GCNT4: variants seen among roughly 807,000 people sequenced by gnomAD.
The protein encoded by GCNT4 is beta-1,3-galactosyl-O-glycosyl-glycoprotein beta-1,6-N-acetylglucosaminyltransferase 4.
GCNT4 carries 17 observed loss-of-function variants against 31.3 expected under a neutral mutation model. The ratio of observed to expected loss-of-function variants is 0.54; its 90% CI spans 0.37 to 0.81. The LOEUF (loss-of-function observed/expected upper bound fraction) is 0.81. Ranked by LOEUF, GCNT4 falls within the 40% of genes least tolerant of loss-of-function variation. The pLI, the probability that GCNT4 is intolerant of heterozygous loss-of-function variation, is 0.00. For synonymous variants in GCNT4, 158 were observed against 190.6 expected (o/e 0.83, Z 1.41); for missense variants, 503 against 525.5 (o/e 0.96, Z 0.42).
chr5:75,040,421 G>C (rs1416535259), intron 3 of GCNT4, among the ~76,000 whole-genome samples: 1 of 152,140 alleles, frequency 6.6e-6, no homozygotes, highest in East Asian at 1.9e-4. Flanking sequence ...TTTACCCCCA[G>C]TATTAAAGAC....
intron 3 of GCNT4, among the ~76,000 whole-genome samples, chr5:75,040,823 T>C (rs1743300036): frequency 1.3e-5 from 2 of 152,252 alleles, no homozygotes; most frequent in South Asian, 4.1e-4. Context: ...TTTTCACTAC[T>C]TGACAGCATT....
chr5:75,025,128 G>A (rs991454183), downstream of GCNT4, among the ~76,000 whole-genome samples: 4 of 152,098 alleles, frequency 2.6e-5, no homozygotes, highest in African/African-American at 9.7e-5. Flanking sequence ...TGAAGTAGGA[G>A]GAAGACAGGT....
chr5:75,050,610 C>T (rs1253547086), intron 2 of GCNT4, among the ~76,000 whole-genome samples: 1 of 152,148 alleles, frequency 6.6e-6, no homozygotes, highest in Non-Finnish European at 1.5e-5. Context: ...TTAGGAGCCT[C>T]GAAAGCTGCC....
chr5:75,051,172 T>G (rs943422265), intron 2 of GCNT4, among the ~76,000 whole-genome samples: 3 of 151,870 alleles, frequency 2.0e-5, no homozygotes, highest in Non-Finnish European at 4.4e-5. Context: ...ACCTCTCCCC[T>G]CCCCCATGGC....
Position 75,029,034 on chromosome 5 carries a change from T to C in GCNT4, c.1004A>G (p.Asp335Gly), listed in dbSNP as rs2149950945. ...AATCAAGGTAGCCCAAAAGTGCTCA[T>C]CAGGAGAGTATGTGTCTTTAGACCA... ...FAWSKDTYSPDEHFWATLIRV... is the reference protein window; with the variant it reads ...FAWSKDTYSPGEHFWATLIRV... Residue 335 changes from aspartate (D) to glycine (G), a missense_variant, in exon 4 of 4, where the codon GAT (aspartate) becomes GGT (glycine). Asp to Gly is a moderately conservative substitution (Grantham distance 94, BLOSUM62 -1). Coordinates refer to ENST00000652361, the MANE Select transcript of GCNT4 (RefSeq NM_001366737.1). 6.2e-7 allele frequency: 1 copy of C among 1,614,156 alleles called. No individual in the cohort carries two copies. The highest frequency in any genetic ancestry group is 8.5e-7 in the Non-Finnish European group (1 of 1,180,014).
chr5:75,053,028 C>T (rs1743619808), upstream of GCNT4, among the ~76,000 whole-genome samples: 1 of 151,978 alleles, frequency 6.6e-6, no homozygotes, highest in African/African-American at 2.4e-5. Flanking sequence ...CGACTCCAGC[C>T]TGGCGGCTCC....
At chr5:75,045,942 T>TA (rs1292084273) in intron 3 of GCNT4, among the ~76,000 whole-genome samples, 2 of 152,176 alleles carry the variant, frequency 1.3e-5, no homozygotes, top group South Asian at 4.1e-4. Context: ...GTTTTTTTTT[T>TA]ACATTCAGGG....
At chr5:75,035,158 G>A (rs1302444762) in intron 3 of GCNT4, among the ~76,000 whole-genome samples, 1 of 152,150 alleles carries the variant, frequency 6.6e-6, no homozygotes, top group African/African-American at 2.4e-5. Flanking sequence ...TCAGCTAAGT[G>A]GACACGACCG....
upstream of GCNT4, among the ~76,000 whole-genome samples, chr5:75,053,529 C>A (rs1439016376): frequency 6.6e-6 from 1 of 152,118 alleles, no homozygotes; most frequent in South Asian, 2.1e-4. Flanking sequence ...GGGAGCGGGC[C>A]AGCCCCGAAC....
intron 3 of GCNT4, among the ~76,000 whole-genome samples, chr5:75,036,729 A>G (rs1249872553): frequency 6.6e-6 from 1 of 152,196 alleles, no homozygotes; most frequent in Non-Finnish European, 1.5e-5. Flanking sequence ...AGACTGATCA[A>G]TGAGCTAATG....
chr5:75,028,347 G>C lies in GCNT4; in HGVS notation c.*329C>G, dbSNP rs1300394025. 1 of 236,382 alleles carries C rather than the reference G, an allele frequency of 4.2e-6. No individual in the cohort carries two copies. Among genetic ancestry groups the C allele is most frequent in the Non-Finnish European group, 8.1e-6 (1 of 122,836 alleles). 14.6% of individuals were successfully genotyped at this position (236,382 alleles called of 1,614,324 possible). ...GTTATGTGGAGAACTTAAAGATACCGAGGTTGCTATGATGAGGATAAGCCG... is the reference window on the plus strand; with the variant it reads ...GTTATGTGGAGAACTTAAAGATACCCAGGTTGCTATGATGAGGATAAGCCG... On this transcript the variant is annotated 3_prime_UTR_variant, in exon 4 of 4. Transcript: ENST00000652361.
chr5:75,046,255 G>T (rs1010497779), intron 3 of GCNT4, among the ~76,000 whole-genome samples: 13 of 152,198 alleles, frequency 8.5e-5, no homozygotes, highest in African/African-American at 3.1e-4. Flanking sequence ...AAAGGAAGAA[G>T]GAACCTGGTA....
chr5:75,029,817 G>C lies in GCNT4; in HGVS notation c.221C>G (p.Ser74Trp). 1 of 1,613,944 alleles carries C rather than the reference G, an allele frequency of 6.2e-7. No individual in the cohort carries two copies. Among genetic ancestry groups the C allele is most frequent in the Non-Finnish European group, 8.5e-7 (1 of 1,179,988 alleles). Residue 74 changes from serine (S) to tryptophan (W), a missense_variant, in exon 4 of 4, where the codon TCG (serine) becomes TGG (tryptophan). By Grantham distance (177) the Ser-to-Trp change is radical. Transcript: ENST00000652361. ...CAAAGGCTCCTGTTCATAGATACCC[G>C]AACAGTTAACTTCATACCTGACTTC... ...KDEVRYEVNC[S>W]GIYEQEPLEI...
downstream of GCNT4, chr5:75,025,327 A>T (rs1305680672): frequency 6.6e-6 from 1 of 152,268 alleles, no homozygotes; most frequent in Non-Finnish European, 1.5e-5. Flanking sequence ...GAGAAAGGAA[A>T]GCTCATAAAG....
downstream of GCNT4, among the ~76,000 whole-genome samples, chr5:75,023,439 C>T (rs183706561): frequency 7.9e-5 from 12 of 152,098 alleles, no homozygotes; most frequent in Non-Finnish European, 1.6e-4. Context: ...ATTATAATTT[C>T]TCTCATGGAA....
intron 3 of GCNT4, among the ~76,000 whole-genome samples, chr5:75,039,187 C>T (rs111485361): frequency 2.6e-5 from 4 of 152,184 alleles, no homozygotes; most frequent in African/African-American, 9.6e-5. Flanking sequence ...CAGGTTCAAG[C>T]GATTCTCCTC....
chr5:75,050,251 T>C (rs1342571235), intron 2 of GCNT4, among the ~76,000 whole-genome samples: 1 of 152,224 alleles, frequency 6.6e-6, no homozygotes, highest in Admixed American at 6.5e-5. Context: ...CAGTCACACG[T>C]GCTTTAAAAC....
downstream of GCNT4, among the ~76,000 whole-genome samples, chr5:75,022,035 T>G (rs576412908): frequency 6.6e-6 from 1 of 152,096 alleles, no homozygotes; most frequent in Admixed American, 6.5e-5. Context: ...CTCCTTAGAG[T>G]TCATAATTTT....
chr5:75,048,626 C>T (rs945882106), intron 2 of GCNT4, among the ~76,000 whole-genome samples: 1 of 152,212 alleles, frequency 6.6e-6, no homozygotes, highest in African/African-American at 2.4e-5. Flanking sequence ...AAGCTGAATG[C>T]AGGCTGCAAA....
Sources: gnomAD v4.1 joint callset for allele counts (sites outside exome capture counted in the v4.1 genomes callset) on GRCh38, gnomAD v4.1.1 for gene constraint, MANE v1.5 for transcripts, NCBI Gene and HGNC (gene_info 2026-07-23, HGNC 2026-07-21) for gene names.